NALCN: variants seen among roughly 807,000 people sequenced by gnomAD.
NALCN encodes the protein sodium leak channel NALCN.
In NALCN, 111 loss-of-function variants were observed where a neutral mutation model predicts 225.3. That is an observed-to-expected ratio of 0.49 (90% CI 0.42 to 0.58). The LOEUF is 0.58. Among genes scored for constraint, NALCN ranks in the 20% least tolerant of loss-of-function variants. The pLI is 0.00. For missense variants in NALCN, 1,378 were observed against 2,202.4 expected (o/e 0.63, Z 7.49); for synonymous variants, 764 against 769.0 (o/e 0.99, Z 0.11).
rs541868520 is a variant in NALCN, at chr13:101,232,359, T to C, written c.1435-2775A>G. On this transcript the variant is annotated intron_variant, in intron 12 of 43. Transcript: ENST00000251127. ...TTTCCTTCATGCTAATTTGCAATTT[T>C]TAAACATATGTAAGAAATTATGTTG... 4.6e-5 allele frequency among the ~76,000 whole-genome samples: 7 copies of C among 152,322 alleles called. No homozygotes were observed. In the East Asian group the frequency reaches 1.3e-3, roughly 29 times the overall value.
At chr13:101,057,861 G>A (rs1325814651) in intron 43 of NALCN, 78 bp downstream of exon 43, 2 of 1,150,178 alleles carry the variant, frequency 1.7e-6, no homozygotes, top group South Asian at 1.2e-5. Context: ...ATTTTGAAAG[G>A]CAAGACCCAA....
intron 7 of NALCN, among the ~76,000 whole-genome samples, chr13:101,338,305 C>G (rs542189713): frequency 9.1e-4 from 138 of 152,288 alleles, no homozygotes; most frequent in Non-Finnish European, 1.7e-3. Flanking sequence ...CTGCTATAAG[C>G]TGTTTCAGTT....
rs555148685 is a variant in NALCN, at chr13:101,410,783, C to T, written c.-40+5530G>A. ...GATACTATTAACTGAAAGATAAAGC[C>T]GTAACAATTTCTTTTAACTAGACTT... On this transcript the variant is annotated intron_variant, in intron 1 of 43. Transcript: ENST00000251127. 3.9e-5 allele frequency among the ~76,000 whole-genome samples: 6 copies of T among 152,250 alleles called. No homozygotes were observed. In the East Asian group the frequency reaches 9.7e-4, roughly 25 times the overall value.
At chr13:101,297,662 C>T (rs1255767708) in intron 7 of NALCN, among the ~76,000 whole-genome samples, 3 of 152,164 alleles carry the variant, frequency 2.0e-5, no homozygotes, top group African/African-American at 7.2e-5. Flanking sequence ...TCCTTGCACC[C>T]CCTTTGCGTG....
chr13:101,212,058 C>A (rs948797548), intron 13 of NALCN, among the ~76,000 whole-genome samples: 1 of 152,080 alleles, frequency 6.6e-6, no homozygotes, highest in African/African-American at 2.4e-5. Flanking sequence ...CACTGAAGAC[C>A]CTCCATGTCT....
At chr13:101,360,072 TTTC>T (rs1439654953) in intron 6 of NALCN, among the ~76,000 whole-genome samples, 1 of 149,978 alleles carries the variant, frequency 6.7e-6, no homozygotes, top group East Asian at 2.0e-4. Flanking sequence ...TTTCTTTTTC[TTTC>T]TTTCTTTCTC....
intron 42 of NALCN, chr13:101,059,108 G>C (rs967041430): frequency 6.6e-6 from 1 of 152,420 alleles, no homozygotes; most frequent in South Asian, 2.1e-4. Context: ...TCAGCTCCAC[G>C]TTGTTAACCT....
Position 101,377,075 on chromosome 13 carries a change from G to A in NALCN, c.376-19C>T. On this transcript the variant is annotated intron_variant, in intron 4 of 43. Coordinates refer to ENST00000251127, the MANE Select transcript of NALCN (RefSeq NM_052867.4). The stretch of plus-strand genomic sequence containing the variant: ...CAAACACCTACAAATTAAAAGATGG[G>A]TAAATGAGGTTGGATTTTCCCTTAG... 1 of 1,613,928 alleles carries A rather than the reference G, an allele frequency of 6.2e-7. No individual in the cohort carries two copies. The highest frequency in any genetic ancestry group is 8.5e-7 in the Non-Finnish European group (1 of 1,179,914).
intron 13 of NALCN, among the ~76,000 whole-genome samples, chr13:101,227,475 C>T (rs2041189830): frequency 6.6e-6 from 1 of 152,114 alleles, no homozygotes; most frequent in African/African-American, 2.4e-5. Flanking sequence ...GTCCCCATCT[C>T]CTCCCGTGGA....
At chr13:101,273,400 C>G (rs993376700) in intron 10 of NALCN, among the ~76,000 whole-genome samples, 16 of 152,146 alleles carry the variant, frequency 1.1e-4, no homozygotes, top group African/African-American at 3.9e-4. Flanking sequence ...TTTCACCTTT[C>G]TAAGACTCAC....
At chr13:101,204,671 G>A (rs34030556) in intron 13 of NALCN, among the ~76,000 whole-genome samples, 32,427 of 151,970 alleles carry the variant, frequency 0.21, 3,605 homozygotes, top group East Asian at 0.37. Flanking sequence ...AAAAACCAGC[G>A]AATCTTTTTG....
intron 6 of NALCN, among the ~76,000 whole-genome samples, chr13:101,367,676 A>G (rs2046415101): frequency 6.6e-6 from 1 of 152,216 alleles, no homozygotes; most frequent in African/African-American, 2.4e-5. Context: ...AAATTAGTTT[A>G]TCTTATTTTC....
chr13:101,276,991 T>C (rs1219091781), intron 10 of NALCN, among the ~76,000 whole-genome samples: 5 of 152,114 alleles, frequency 3.3e-5, no homozygotes, highest in Non-Finnish European at 7.4e-5. Context: ...CATATACATA[T>C]ACACACATAT....
At chr13:101,117,028 A>G (rs981431267) in intron 18 of NALCN, 2 of 495,734 alleles carry the variant, frequency 4.0e-6, no homozygotes, top group African/African-American at 3.9e-5. Context: ...AAAAAGCTGC[A>G]TTTTTATCCT....
At chr13:101,156,918 G>T (rs548635682) in intron 15 of NALCN, among the ~76,000 whole-genome samples, 157 of 152,194 alleles carry the variant, frequency 1.0e-3, no homozygotes, top group Non-Finnish European at 2.0e-3. Flanking sequence ...TCATTTTTGT[G>T]TATGTCTGTG....
chr13:101,278,806 T>G (rs2043051275), intron 10 of NALCN, among the ~76,000 whole-genome samples: 1 of 152,156 alleles, frequency 6.6e-6, no homozygotes, highest in Non-Finnish European at 1.5e-5. Context: ...ACTGCTTGCT[T>G]TAGACTCCAA....
At chr13:101,359,695 T>A (rs1214728821) in intron 6 of NALCN, among the ~76,000 whole-genome samples, 3 of 152,214 alleles carry the variant, frequency 2.0e-5, no homozygotes, top group Non-Finnish European at 4.4e-5. Flanking sequence ...CATATATCTG[T>A]CTTTGGTAAA....
At chr13:101,410,194 C>T (rs970878675) in intron 1 of NALCN, among the ~76,000 whole-genome samples, 4 of 152,206 alleles carry the variant, frequency 2.6e-5, no homozygotes, top group Admixed American at 2.0e-4. Flanking sequence ...GCCTCCTTCA[C>T]CTCAGACATA....
chr13:101,119,830 T>A (rs897899174), intron 18 of NALCN, among the ~76,000 whole-genome samples: 10 of 152,332 alleles, frequency 6.6e-5, no homozygotes, highest in African/African-American at 1.9e-4. Flanking sequence ...TTCGGATAAC[T>A]CTTAAAAAAC....
Sources: allele counts gnomAD v4.1 joint callset (sites outside exome capture counted in the v4.1 genomes callset), GRCh38; gene constraint gnomAD v4.1.1; transcripts MANE v1.5; gene names NCBI Gene and HGNC (gene_info 2026-07-23, HGNC 2026-07-21).